Variants in CRPPA observed in about 807,000 individuals in gnomAD.
The protein encoded by CRPPA is CDP-L-ribitol pyrophosphorylase A.
CRPPA carries 43 observed loss-of-function variants against 52.0 expected under a neutral mutation model. That is an observed-to-expected ratio of 0.83 (90% confidence interval 0.65 to 1.07). CRPPA has a LOEUF of 1.07. Ranked by LOEUF, CRPPA falls within the 50% of genes least tolerant of loss-of-function variation. The pLI is 0.00. For synonymous variants in CRPPA, 250 were observed against 203.5 expected (o/e 1.23, Z -1.94); for missense variants, 629 against 551.7 (o/e 1.14, Z -1.40).
At chr7:16,101,262 G>A (rs1284159000) in intron 9 of CRPPA, among the ~76,000 whole-genome samples, 4 of 152,218 alleles carry the variant, frequency 2.6e-5, no homozygotes, top group Admixed American at 1.3e-4. Flanking sequence ...GGTAGAATTC[G>A]GCTGTGAATC....
intron 3 of CRPPA, among the ~76,000 whole-genome samples, chr7:16,327,420 G>A (rs9655134): frequency 0.45 from 67,842 of 150,616 alleles, 15,466 homozygotes; most frequent in South Asian, 0.59. Flanking sequence ...GTGAAACCCC[G>A]TCTCTACTAA....
chr7:16,126,639 A>G (rs1440039549), intron 9 of CRPPA, among the ~76,000 whole-genome samples: 1 of 152,204 alleles, frequency 6.6e-6, no homozygotes, highest in East Asian at 1.9e-4. Context: ...GATACTGAAA[A>G]CTAAAAATAT....
intron 8 of CRPPA, among the ~76,000 whole-genome samples, chr7:16,245,304 C>A (rs1403480409): frequency 1.3e-5 from 2 of 152,180 alleles, no homozygotes; most frequent in East Asian, 1.9e-4. Flanking sequence ...TCATTTTACT[C>A]TTTTATAATT....
At chr7:16,411,732 T>A (rs1788081058) in intron 1 of CRPPA, among the ~76,000 whole-genome samples, 1 of 152,072 alleles carries the variant, frequency 6.6e-6, no homozygotes, top group South Asian at 2.1e-4. Context: ...CTAAAAGTAT[T>A]TCATATATAC....
chr7:16,207,518 TG>T (rs1332912644), intron 9 of CRPPA, among the ~76,000 whole-genome samples: 1 of 152,214 alleles, frequency 6.6e-6, no homozygotes, highest in East Asian at 1.9e-4. Context: ...GGATAATTAG[TG>T]TTGCATAAAG....
intron 6 of CRPPA, among the ~76,000 whole-genome samples, chr7:16,259,609 A>AT (rs541131387): frequency 1.3e-3 from 199 of 152,062 alleles, no homozygotes; most frequent in Non-Finnish European, 2.0e-3. Context: ...TCCTAGTAAG[A>AT]TTTTTTATTC....
chr7:16,286,075 ATAT>A (rs1784436402), intron 5 of CRPPA, among the ~76,000 whole-genome samples: 4 of 40,234 alleles, frequency 9.9e-5, no homozygotes, highest in Admixed American at 3.3e-4. Flanking sequence ...ATATATATAT[ATAT>A]ATAATATTTA....
intron 5 of CRPPA, among the ~76,000 whole-genome samples, chr7:16,290,531 C>A (rs1449204609): frequency 1.3e-5 from 2 of 151,904 alleles, no homozygotes; most frequent in African/African-American, 4.8e-5. Flanking sequence ...AACAAAGGTG[C>A]CAGGAATATA....
intron 4 of CRPPA, among the ~76,000 whole-genome samples, chr7:16,305,501 A>T (rs1267655158): frequency 1.3e-5 from 2 of 152,046 alleles, no homozygotes; most frequent in Non-Finnish European, 2.9e-5. Context: ...TAGTGGGGGG[A>T]TCGCCCTTTC....
chr7:16,087,688 C>T lies in CRPPA; in HGVS notation c.*4007G>A, dbSNP rs974097804. On this transcript the variant is annotated 3_prime_UTR_variant, in exon 10 of 10. Coordinates refer to ENST00000407010, the MANE Select transcript of CRPPA (RefSeq NM_001101426.4). ...TATATAAATGCAACTATAATGCCAA[C>T]CACCACCTACACAGCTACTTCTAGT... 4 of 152,104 alleles carry T rather than the reference C, an allele frequency of 2.6e-5. No homozygotes were observed. Among genetic ancestry groups the T allele is most frequent in the African/African-American group, 4.8e-5 (2 of 41,440 alleles). The allele number at this position is 152,104 out of a possible 1,614,324, so 9.4% of individuals were successfully genotyped here. A position where few individuals can be genotyped will look rare whatever the true frequency, so the allele number is the denominator to read the frequency against.
At chr7:16,320,542 A>G (rs1173192064) in intron 3 of CRPPA, among the ~76,000 whole-genome samples, 6 of 152,150 alleles carry the variant, frequency 3.9e-5, no homozygotes, top group Admixed American at 3.9e-4. Context: ...AACATCATTC[A>G]CAGTATTATT....
chr7:16,088,928 A>G lies in CRPPA; in HGVS notation c.*2767T>C, dbSNP rs1781756193. On this transcript the variant is annotated 3_prime_UTR_variant, in exon 10 of 10. Transcript: ENST00000407010. ...CTCTGGCTTATATATCACGTCTTAT[A>G]TATCAGACGTGGCTTATATATCAGA... 1 of 198,532 alleles carries G rather than the reference A, an allele frequency of 5.0e-6. No individual in the cohort carries two copies. The highest frequency in any genetic ancestry group is 1.1e-5 in the Non-Finnish European group (1 of 92,666). 12.3% of individuals were successfully genotyped at this position (198,532 alleles called of 1,614,324 possible).
At chr7:16,141,403 T>C (rs982983962) in intron 9 of CRPPA, among the ~76,000 whole-genome samples, 3 of 152,240 alleles carry the variant, frequency 2.0e-5, no homozygotes, top group Non-Finnish European at 2.9e-5. Flanking sequence ...TTCTGTAATT[T>C]ATGCAAATAA....
At chr7:16,293,347 A>AT (rs11424150) in intron 5 of CRPPA, among the ~76,000 whole-genome samples, 122,074 of 151,806 alleles carry the variant, frequency 0.8, 49,802 homozygotes, top group African/African-American at 0.93. Flanking sequence ...TCAAGTTGTA[A>AT]CCATTCAAAG....
In CRPPA at chr7:16,382,378, C is replaced by A. The variant is rs576691916; in HGVS notation, c.535-6137G>T. On this transcript the variant is annotated intron_variant, in intron 2 of 9. Transcript: ENST00000407010. ...AGAGATCCACTGTTAGTCTGATGGG[C>A]TTCCCTTTGCGGGTAACCCAACCTT... Among the ~76,000 whole-genome samples, 39 of 152,350 alleles carry A rather than the reference C, an allele frequency of 2.6e-4. No homozygotes were observed. In the East Asian group the frequency reaches 7.5e-3, roughly 29 times the overall value.
chr7:16,241,656 A>G (rs925576639), intron 8 of CRPPA, among the ~76,000 whole-genome samples: 1 of 152,186 alleles, frequency 6.6e-6, no homozygotes, highest in Non-Finnish European at 1.5e-5. Context: ...AAATAACAAA[A>G]TATTGCCCAC....
intron 3 of CRPPA, among the ~76,000 whole-genome samples, chr7:16,317,784 T>C (rs988872962): frequency 1.3e-5 from 2 of 152,180 alleles, no homozygotes; most frequent in South Asian, 2.1e-4. Context: ...CTAAATTATA[T>C]GTGAGTTCTA....
intron 3 of CRPPA, among the ~76,000 whole-genome samples, chr7:16,367,908 A>C (rs1027338723): frequency 3.3e-5 from 5 of 152,278 alleles, no homozygotes; most frequent in African/African-American, 1.2e-4. Context: ...AAGAAATCAA[A>C]GCAAAAGGTA....
At chr7:16,254,816 A>AGAAAGAAAGAAAGAAAGAAAGAAC (rs1562588720) in intron 8 of CRPPA, among the ~76,000 whole-genome samples, 102 of 147,976 alleles carry the variant, frequency 6.9e-4, no homozygotes, top group African/African-American at 2.4e-3. Context: ...AAAGAAAGAA[A>AGAAAGAAAGAAAGAAAGAAAGAAC]GAAAGAAAGA....
Sources: allele counts gnomAD v4.1 joint callset (sites outside exome capture counted in the v4.1 genomes callset), GRCh38; gene constraint gnomAD v4.1.1; transcripts MANE v1.5; gene names NCBI Gene and HGNC (gene_info 2026-07-23, HGNC 2026-07-21).